The following GPC4 variants were observed in gnomAD, a reference collection of about 807,000 sequenced individuals.
GPC4 encodes glypican-4.
GPC4 carries 10 observed loss-of-function variants against 35.0 expected under a neutral mutation model. The observed-to-expected ratio is 0.29, with a 90% confidence interval of 0.18 to 0.48. The LOEUF (loss-of-function observed/expected upper bound fraction) is 0.48, where lower values mean the gene tolerates loss of function less well. GPC4 is among the 20% of genes least tolerant of loss of function. The pLI is 0.99. For missense variants in GPC4, 322 were observed against 451.3 expected (o/e 0.71, Z 2.60); for synonymous variants, 167 against 170.2 (o/e 0.98, Z 0.15).
intron 3 of GPC4, among the ~76,000 whole-genome samples, chrX:133,321,859 C>T (rs562639903): frequency 3.6e-5 from 4 of 111,615 alleles, no homozygotes; most frequent in African/African-American, 1.3e-4. Flanking sequence ...TTGCAATTTA[C>T]GATGAAAATA....
At chrX:133,382,450 C>T (rs374559064) in intron 1 of GPC4, among the ~76,000 whole-genome samples, 2 of 99,591 alleles carry the variant, frequency 2.0e-5, no homozygotes, top group African/African-American at 3.7e-5. Context: ...AAAAAAAGGC[C>T]GGGCACAGTG....
intron 1 of GPC4, among the ~76,000 whole-genome samples, chrX:133,402,772 G>A (rs1180372435): frequency 3.6e-5 from 4 of 110,226 alleles, no homozygotes; most frequent in Non-Finnish European, 3.8e-5. Context: ...GCATGGTGGC[G>A]GGTGCCTGTA....
At chrX:133,361,578 AAAC>A (rs2068568222) in intron 1 of GPC4, among the ~76,000 whole-genome samples, 2 of 110,776 alleles carry the variant, frequency 1.8e-5, no homozygotes, top group Non-Finnish European at 3.8e-5. Flanking sequence ...AAAAAAAAAA[AAAC>A]AAGATGATTA....
intron 2 of GPC4, among the ~76,000 whole-genome samples, chrX:133,336,545 A>C (rs1182355111): frequency 1.8e-5 from 2 of 110,765 alleles, no homozygotes; most frequent in African/African-American, 6.6e-5. Context: ...AAAACAAACA[A>C]ACAAAAAATT....
intron 1 of GPC4, among the ~76,000 whole-genome samples, chrX:133,405,346 G>A (rs1450122717): frequency 1.8e-5 from 2 of 111,238 alleles, no homozygotes; most frequent in African/African-American, 3.3e-5. Flanking sequence ...CAGGTGATCC[G>A]CCCACCTTGG....
chrX:133,328,760 G>A (rs2068405230), intron 2 of GPC4, among the ~76,000 whole-genome samples: 1 of 111,427 alleles, frequency 9.0e-6, no homozygotes, highest in Non-Finnish European at 1.9e-5. Flanking sequence ...TGGTGACTAA[G>A]AGAGAACCAG....
chrX:133,315,108 G>C (rs1198322283), intron 3 of GPC4, among the ~76,000 whole-genome samples: 1 of 94,052 alleles, frequency 1.1e-5, no homozygotes, highest in Non-Finnish European at 2.2e-5. Context: ...AAGTGTTTGG[G>C]TTTTTTTTTT....
chrX:133,410,017 T>C (rs889529714), intron 1 of GPC4, among the ~76,000 whole-genome samples: 10 of 70,852 alleles, frequency 1.4e-4, no homozygotes, highest in African/African-American at 1.1e-3. Flanking sequence ...GAAACCCTCA[T>C]TGGCTCAATT....
In GPC4 at chrX:133,343,674, G is replaced by A. The variant is rs146366373; in HGVS notation, c.161-4333C>T. Among the ~76,000 whole-genome samples, 7 of 111,149 alleles carry A rather than the reference G, an allele frequency of 6.3e-5. No individual in the cohort carries two copies. The East Asian group carries it at 2.0e-3, about 31-fold the overall frequency. The stretch of plus-strand genomic sequence containing the variant: ...AGGCTTGGATGGGATTCAATGAAGC[G>A]TGCTTTTAAAGCTTAACTCTCTGGC... On this transcript the variant is annotated intron_variant, in intron 1 of 8. Transcript: ENST00000370828.
intron 7 of GPC4, 61 bp downstream of exon 7, chrX:133,304,664 C>G (rs2068282954): frequency 2.7e-5 from 32 of 1,180,024 alleles, no homozygotes; most frequent in Non-Finnish European, 3.1e-5. Flanking sequence ...AGAACCCTCT[C>G]TGAAGGTCAC....
At chrX:133,349,094 T>C (rs1313667094) in intron 1 of GPC4, among the ~76,000 whole-genome samples, 1 of 112,379 alleles carries the variant, frequency 8.9e-6, no homozygotes, top group African/African-American at 3.2e-5. Flanking sequence ...TAATAGCTGG[T>C]AGACCAAGGC....
chrX:133,379,447 C>A (rs2068650783), intron 1 of GPC4, among the ~76,000 whole-genome samples: 1 of 111,909 alleles, frequency 8.9e-6, no homozygotes, highest in South Asian at 3.7e-4. Context: ...TTAATGGGTA[C>A]AGAATTTTAC....
At chrX:133,327,038 G>T (rs954009644) in intron 2 of GPC4, among the ~76,000 whole-genome samples, 6 of 112,678 alleles carry the variant, frequency 5.3e-5, no homozygotes, top group African/African-American at 1.6e-4. Flanking sequence ...ACAAAGCTTT[G>T]CCATCATTGA....
At chrX:133,305,720 G>C (rs773929191) in intron 6 of GPC4, 52 bp downstream of exon 6, 1 of 1,190,158 alleles carries the variant, frequency 8.4e-7, no homozygotes, top group African/African-American at 1.8e-5. Context: ...TTTTGAGCAA[G>C]AGTTTTCAGT....
At chrX:133,402,411 A>C (rs897638758) in intron 1 of GPC4, among the ~76,000 whole-genome samples, 2 of 112,520 alleles carry the variant, frequency 1.8e-5, no homozygotes, top group Non-Finnish European at 3.7e-5. Flanking sequence ...GGTGAACAGA[A>C]GAAAGAAGAC....
intron 1 of GPC4, among the ~76,000 whole-genome samples, chrX:133,354,563 TA>T (rs1398872673): frequency 7.5e-4 from 71 of 94,322 alleles, no homozygotes; most frequent in East Asian, 2.9e-3. Context: ...TTTATTTATT[TA>T]TTTATTTTTT....
At chrX:133,396,863 AT>A (rs1252834026) in intron 1 of GPC4, among the ~76,000 whole-genome samples, 1 of 112,303 alleles carries the variant, frequency 8.9e-6, no homozygotes, top group Admixed American at 9.5e-5. Flanking sequence ...AATGGTTTTG[AT>A]TACAATGGTT....
intron 1 of GPC4, among the ~76,000 whole-genome samples, chrX:133,351,295 G>C (rs1253895770): frequency 9.0e-6 from 1 of 110,793 alleles, no homozygotes; most frequent in African/African-American, 3.3e-5. Context: ...AATATTTGAC[G>C]AAACAGTCCC....
intron 4 of GPC4, among the ~76,000 whole-genome samples, chrX:133,307,400 G>A (rs1395119463): frequency 8.9e-6 from 1 of 111,976 alleles, no homozygotes; most frequent in Non-Finnish European, 1.9e-5. Context: ...TTAATGCACG[G>A]GGTCATTTCT....
Sources: gnomAD v4.1 joint callset for allele counts (sites outside exome capture counted in the v4.1 genomes callset) on GRCh38, gnomAD v4.1.1 for gene constraint, MANE v1.5 for transcripts, NCBI Gene and HGNC (gene_info 2026-07-23, HGNC 2026-07-21) for gene names.